Variants in SNTG1 observed in about 807,000 individuals in gnomAD.
SNTG1 encodes the protein syntrophin gamma 1, also known as gamma-1-syntrophin.
In SNTG1, 39 loss-of-function variants were observed where a neutral mutation model predicts 74.7. The observed-to-expected ratio is 0.52, with a 90% CI of 0.40 to 0.68. The LOEUF (loss-of-function observed/expected upper bound fraction) is 0.68. Ranked by LOEUF, SNTG1 falls within the 30% of genes least tolerant of loss-of-function variation. The pLI is 0.00. For synonymous variants in SNTG1, 254 were observed against 217.1 expected (o/e 1.17, Z -1.49); for missense variants, 685 against 609.5 (o/e 1.12, Z -1.30).
intron 11 of SNTG1, among the ~76,000 whole-genome samples, chr8:50,540,561 T>C (rs1241774327): frequency 6.6e-6 from 1 of 152,178 alleles, no homozygotes; most frequent in Admixed American, 6.5e-5. Context: ...TTTTTTTCTG[T>C]TTATTGTATT....
intron 1 of SNTG1, among the ~76,000 whole-genome samples, chr8:49,977,981 G>C (rs1307419509): frequency 6.6e-6 from 1 of 152,114 alleles, no homozygotes; most frequent in African/African-American, 2.4e-5. Flanking sequence ...ATCTTCATAA[G>C]GGGAAATAAT....
chr8:49,966,691 A>C (rs767431917), intron 1 of SNTG1, among the ~76,000 whole-genome samples: 19 of 152,124 alleles, frequency 1.2e-4, no homozygotes, highest in Non-Finnish European at 2.5e-4. Flanking sequence ...CACCACGCCC[A>C]GCCTATTCCA....
intron 11 of SNTG1, among the ~76,000 whole-genome samples, chr8:50,550,915 G>A (rs2094421950): frequency 6.6e-6 from 1 of 152,094 alleles, no homozygotes; most frequent in East Asian, 1.9e-4. Context: ...AGTGCTTGAT[G>A]AGACAATAAT....
chr8:50,132,880 A>C (rs2081360001), intron 1 of SNTG1, among the ~76,000 whole-genome samples: 1 of 152,124 alleles, frequency 6.6e-6, no homozygotes, highest in Admixed American at 6.6e-5. Flanking sequence ...CTGTGTCTCT[A>C]TCCCTGGCTT....
At chr8:50,109,044 G>A (rs2080485192) in intron 1 of SNTG1, among the ~76,000 whole-genome samples, 1 of 152,162 alleles carries the variant, frequency 6.6e-6, no homozygotes, top group Non-Finnish European at 1.5e-5. Flanking sequence ...ACTCTACTCT[G>A]ATTTCTGGGT....
At chr8:50,670,267 T>C (rs545786519) in intron 15 of SNTG1, among the ~76,000 whole-genome samples, 384 of 152,288 alleles carry the variant, frequency 2.5e-3, no homozygotes, top group African/African-American at 8.6e-3. Flanking sequence ...TGTTTGCAGA[T>C]GACATGATTG....
At chr8:50,468,943 T>C (rs1260348548) in intron 8 of SNTG1, among the ~76,000 whole-genome samples, 1 of 152,206 alleles carries the variant, frequency 6.6e-6, no homozygotes, top group Non-Finnish European at 1.5e-5. Context: ...TCTTATGACA[T>C]TACTATAATT....
chr8:50,239,653 G>A (rs1295163914), intron 2 of SNTG1, among the ~76,000 whole-genome samples: 6 of 152,144 alleles, frequency 3.9e-5, no homozygotes, highest in Admixed American at 3.9e-4. Context: ...AATCACTGCT[G>A]ACTTCACCAG....
intron 1 of SNTG1, among the ~76,000 whole-genome samples, chr8:49,981,073 A>G (rs1420120734): frequency 6.6e-6 from 1 of 152,206 alleles, no homozygotes; most frequent in Non-Finnish European, 1.5e-5. Flanking sequence ...AGTGTCTAAC[A>G]TCTATACAGA....
At chr8:49,923,252 A>T (rs1400536245) in intron 1 of SNTG1, among the ~76,000 whole-genome samples, 1 of 152,176 alleles carries the variant, frequency 6.6e-6, no homozygotes, top group Non-Finnish European at 1.5e-5. Flanking sequence ...GTATAATTCA[A>T]TGTTGGGATT....
chr8:50,190,709 C>T (rs773137306), intron 2 of SNTG1, among the ~76,000 whole-genome samples: 10 of 152,124 alleles, frequency 6.6e-5, no homozygotes, highest in Non-Finnish European at 1.2e-4. Context: ...ACTTGCAGAA[C>T]CTTTGAAAGC....
intron 15 of SNTG1, among the ~76,000 whole-genome samples, chr8:50,663,974 A>G (rs1223849628): frequency 2.6e-5 from 4 of 152,082 alleles, no homozygotes; most frequent in Non-Finnish European, 4.4e-5. Flanking sequence ...GATGACTCCA[A>G]ATGCATATGT....
At chr8:49,953,342 G>C (rs943437296) in intron 1 of SNTG1, among the ~76,000 whole-genome samples, 1 of 152,212 alleles carries the variant, frequency 6.6e-6, no homozygotes, top group East Asian at 1.9e-4. Context: ...GAGGACCCTT[G>C]GGGGGAAACA....
chr8:50,647,918 C>T (rs183058879), intron 13 of SNTG1, among the ~76,000 whole-genome samples: 8 of 151,690 alleles, frequency 5.3e-5, no homozygotes, highest in Non-Finnish European at 1.2e-4. Context: ...TTAAGAGATA[C>T]ACTGTTTCTT....
At chr8:50,778,725 A>G (rs1427388518) in intron 18 of SNTG1, among the ~76,000 whole-genome samples, 1 of 148,240 alleles carries the variant, frequency 6.7e-6, no homozygotes, top group Non-Finnish European at 1.5e-5. Flanking sequence ...CCATTTGTCA[A>G]TTTTGGCTTT....
At chr8:50,474,997 T>C (rs973206666) in intron 8 of SNTG1, among the ~76,000 whole-genome samples, 17 of 145,746 alleles carry the variant, frequency 1.2e-4, no homozygotes, top group African/African-American at 4.1e-4. Flanking sequence ...AAACACCGCG[T>C]GTTCTCACTC....
At position 50,202,663 on chromosome 8, in the gene SNTG1, A is replaced by G. The variant is rs143645767; in HGVS notation, c.-28+30028A>G. Among the ~76,000 whole-genome samples the G allele has an allele frequency of 5.1e-3, 784 of 152,268 alleles. 5 individuals carry two copies. The highest frequency in any genetic ancestry group is 0.018 in the African/African-American group (754 of 41,564). ...AATAAGTTGATATAAAGTTATGTGC[A>G]GTATTATCTATGGAAATAAGTTTTC... On this transcript the variant is annotated intron_variant, in intron 2 of 18. Coordinates refer to ENST00000642720, the MANE Select transcript of SNTG1 (RefSeq NM_018967.5).
At chr8:50,658,737 C>A in intron 15 of SNTG1, 74 bp downstream of exon 15, 2 of 920,986 alleles carry the variant, frequency 2.2e-6, no homozygotes, top group Non-Finnish European at 1.7e-6. Flanking sequence ...ATAAGCAGCT[C>A]ATGAAAACAA....
At chr8:50,175,536 C>T (rs1334127407) in intron 2 of SNTG1, among the ~76,000 whole-genome samples, 1 of 152,200 alleles carries the variant, frequency 6.6e-6, no homozygotes, top group African/African-American at 2.4e-5. Flanking sequence ...CAAGCTGTTG[C>T]TGTGTAAGAG....
Sources: allele counts gnomAD v4.1 joint callset (sites outside exome capture counted in the v4.1 genomes callset), GRCh38; gene constraint gnomAD v4.1.1; transcripts MANE v1.5; gene names NCBI Gene and HGNC (gene_info 2026-07-23, HGNC 2026-07-21).